The following SARDH variants were observed in gnomAD, a reference collection of about 807,000 sequenced individuals.
The protein encoded by SARDH is sarcosine dehydrogenase.
A neutral mutation model predicts 109.1 loss-of-function variants in SARDH; 95 were observed. The ratio of observed to expected loss-of-function variants is 0.87; its 90% CI spans 0.74 to 1.03. The LOEUF is 1.03. Among genes scored for constraint, SARDH ranks in the 50% least tolerant of loss-of-function variants. The pLI is 0.00. For synonymous variants in SARDH, 572 were observed against 534.8 expected (o/e 1.07, Z -0.96); for missense variants, 1,267 against 1,287.8 (o/e 0.98, Z 0.25).
In SARDH at chr9:133,704,069, C is replaced by G. The variant is rs530554850; in HGVS notation, c.1554+879G>C. Reference sequence around the variant, plus strand: ...ACTTCAAGACAGGGTCTGCCCAGACCCCTCCTCCCCGCAGGGTTCATGAGG... The same window carrying G: ...ACTTCAAGACAGGGTCTGCCCAGACGCCTCCTCCCCGCAGGGTTCATGAGG... On this transcript the variant is annotated intron_variant, in intron 12 of 20. Coordinates refer to ENST00000439388, the MANE Select transcript of SARDH (RefSeq NM_001134707.2). This position sits in a 1 kb window ranked among gnomAD's most constrained non-coding sequence, Gnocchi z 4.5. Among the ~76,000 whole-genome samples the G allele has an allele frequency of 6.6e-6, 1 of 152,196 alleles. No homozygotes were observed. The highest frequency in any genetic ancestry group is 1.9e-4 in the East Asian group (1 of 5,150).
intron 20 of SARDH, among the ~76,000 whole-genome samples, chr9:133,665,272 G>A (rs967255697): frequency 2.4e-4 from 37 of 152,250 alleles, no homozygotes; most frequent in African/African-American, 6.5e-4. Context: ...GGAGAAAGGC[G>A]AGCATTACTG....
intron 6 of SARDH, among the ~76,000 whole-genome samples, chr9:133,727,792 G>T (rs1023361698): frequency 6.6e-5 from 10 of 152,152 alleles, no homozygotes; most frequent in Non-Finnish European, 1.3e-4. Flanking sequence ...CTTGAATCTT[G>T]ACATACACAG....
At chr9:133,716,651 C>G (rs1832133700) in intron 8 of SARDH, among the ~76,000 whole-genome samples, 7 of 152,214 alleles carry the variant, frequency 4.6e-5, no homozygotes, top group Admixed American at 3.9e-4. Flanking sequence ...TGTGGATGAC[C>G]CACGTGGGGC....
intron 19 of SARDH, 145 bp downstream of exon 19, chr9:133,670,439 G>A: frequency 1.2e-6 from 1 of 845,348 alleles, no homozygotes; most frequent in South Asian, 1.8e-5. Context: ...ATCTGCAGTG[G>A]GCTGTTGGGT....
chr9:133,674,086 A>C (rs1054708095), intron 17 of SARDH, among the ~76,000 whole-genome samples: 2 of 152,228 alleles, frequency 1.3e-5, no homozygotes, highest in Non-Finnish European at 1.5e-5. Context: ...GGGCCTCTCT[A>C]AGTTCACGGA....
chr9:133,713,309 C>A (rs1831999932), intron 8 of SARDH, among the ~76,000 whole-genome samples, 185 bp from the exon 9 acceptor site: 1 of 152,192 alleles, frequency 6.6e-6, no homozygotes, highest in Admixed American at 6.5e-5. Flanking sequence ...CCTGCCCGTG[C>A]TCTCTGAGCC....
chr9:133,670,490 T>C (rs1830302762), intron 19 of SARDH, 94 bp downstream of exon 19: 15 of 1,349,098 alleles, frequency 1.1e-5, no homozygotes, highest in Non-Finnish European at 1.5e-5. Context: ...GAAGTGTTGG[T>C]ACCAGGGGCT....
At chr9:133,683,805 C>CT (rs1197467809) in intron 17 of SARDH, among the ~76,000 whole-genome samples, 1 of 152,234 alleles carries the variant, frequency 6.6e-6, no homozygotes, top group African/African-American at 2.4e-5. Context: ...CGCTCCTCCC[C>CT]AACCTTCCTT....
intron 13 of SARDH, among the ~76,000 whole-genome samples, chr9:133,698,355 T>C (rs1159159093): frequency 6.6e-6 from 1 of 152,208 alleles, no homozygotes; most frequent in African/African-American, 2.4e-5. Flanking sequence ...CAAATTGATC[T>C]ACAGACCTAA....
chr9:133,691,498 C>T (rs1420035444), intron 15 of SARDH, among the ~76,000 whole-genome samples: 2 of 152,214 alleles, frequency 1.3e-5, no homozygotes, highest in African/African-American at 2.4e-5. Flanking sequence ...CTTGCACCAT[C>T]GGCAGTGGGT....
At position 133,732,617 on chromosome 9, in the gene SARDH, G is replaced by A. The variant is rs373820616; in HGVS notation, c.332-16C>T. The A allele has an allele frequency of 2.2e-5, 35 of 1,588,906 alleles. No individual in the cohort carries two copies. The highest frequency in any genetic ancestry group is 2.7e-5 in the Non-Finnish European group (32 of 1,166,516). ...CACAGCAGGCCTGCCCGGGAGGGTG[G>A]GTGCCATCACTCCCCAGGGAGTGGA... On this transcript the variant is annotated splice_polypyrimidine_tract_variant and intron_variant, in intron 2 of 20. Coordinates refer to ENST00000439388, the MANE Select transcript of SARDH (RefSeq NM_001134707.2).
chr9:133,687,844 T>A (rs1830939535), intron 16 of SARDH, among the ~76,000 whole-genome samples: 1 of 152,210 alleles, frequency 6.6e-6, no homozygotes, highest in Non-Finnish European at 1.5e-5. Context: ...TTATTATTCA[T>A]CTAAGAAACT....
intron 17 of SARDH, among the ~76,000 whole-genome samples, chr9:133,682,302 A>G (rs1463078761): frequency 1.3e-5 from 2 of 152,208 alleles, no homozygotes; most frequent in Non-Finnish European, 2.9e-5. Flanking sequence ...TCGGAGAATA[A>G]AGCAGTGTGT....
rs767074020 is a variant in SARDH at position 133,663,961 on chromosome 9, C to A, written c.2685G>T (p.Val895=). The change falls in exon 21 of 21, where the codon GTG becomes GTT. Residue 895 remains valine (V), a synonymous_variant. Transcript: ENST00000439388. The part of the protein sequence containing the change: ...SGDYALERMG[V]TYGAQAHLKS... ...TCAGGTGAGCCTGGGCACCATAGGT[C>A]ACCCCCATTCTCTCCAGGGCATAGT... is the stretch of plus-strand genomic sequence containing the variant. The A allele has an allele frequency of 1.2e-6, 2 of 1,614,186 alleles. No individual in the cohort carries two copies. The highest frequency in any genetic ancestry group is 1.3e-5 in the African/African-American group (1 of 75,054).
At chr9:133,698,099 A>C (rs998650639) in intron 13 of SARDH, among the ~76,000 whole-genome samples, 7 of 150,774 alleles carry the variant, frequency 4.6e-5, no homozygotes, top group Non-Finnish European at 1.0e-4. Context: ...ATATATAAAA[A>C]CACACAAAAA....
rs1830057623 is a variant in SARDH at position 133,666,168 on chromosome 9, G to A, written c.2631+567C>T. ...GGGTCAGGGTCACCTGGAGGGGGTGGGGTTGCCTGGGGTCAGGGGTGTCGG... is the reference window on the plus strand; with the variant it reads ...GGGTCAGGGTCACCTGGAGGGGGTGAGGTTGCCTGGGGTCAGGGGTGTCGG... On this transcript the variant is annotated intron_variant, in intron 20 of 20. Transcript: ENST00000439388. This position sits in a 1 kb window ranked among gnomAD's most constrained non-coding sequence, Gnocchi z 5.2. Among the ~76,000 whole-genome samples, 1 of 152,236 alleles carries A rather than the reference G, an allele frequency of 6.6e-6. No individual in the cohort carries two copies. Among genetic ancestry groups the A allele is most frequent in the South Asian group, 2.1e-4 (1 of 4,828 alleles).
At chr9:133,685,577 G>C (rs901123646) in intron 16 of SARDH, among the ~76,000 whole-genome samples, 16 of 152,182 alleles carry the variant, frequency 1.1e-4, no homozygotes, top group Admixed American at 4.6e-4. Context: ...TGAGGCCAGA[G>C]TGGTTATCTA....
intron 2 of SARDH, among the ~76,000 whole-genome samples, chr9:133,733,106 A>T (rs903559525): frequency 2.6e-5 from 4 of 152,220 alleles, no homozygotes; most frequent in Admixed American, 2.6e-4. Flanking sequence ...GTCAGGGAAG[A>T]GGCTATGACA....
At chr9:133,674,054 G>A (rs1830439031) in intron 17 of SARDH, among the ~76,000 whole-genome samples, 1 of 152,240 alleles carries the variant, frequency 6.6e-6, no homozygotes, top group African/African-American at 2.4e-5. Context: ...CTGCCAAAGA[G>A]AGGGAGGCTG....
Sources: gnomAD v4.1 joint callset for allele counts (sites outside exome capture counted in the v4.1 genomes callset) on GRCh38, gnomAD v4.1.1 for gene constraint, Gnocchi (gnomAD v3.1) non-coding constraint, MANE v1.5 for transcripts, NCBI Gene and HGNC (gene_info 2026-07-23, HGNC 2026-07-21) for gene names.